Variants in NFAT5 observed in about 807,000 individuals in gnomAD.
NFAT5 encodes the protein nuclear factor of activated T cells 5.
A neutral mutation model predicts 166.5 loss-of-function variants in NFAT5; 31 were observed. That is an observed-to-expected ratio of 0.19 (90% CI 0.14 to 0.25). NFAT5 has a LOEUF of 0.25. Among genes scored for constraint, NFAT5 ranks in the 10% least tolerant of loss-of-function variants. The probability of loss-of-function intolerance (pLI) is 1.00; values close to 1 mark genes in which losing one functional copy is unlikely to be tolerated. For missense variants in NFAT5, 1,449 were observed against 1,821.8 expected (o/e 0.80, Z 3.72); for synonymous variants, 612 against 639.7 (o/e 0.96, Z 0.65).
At chr16:69,634,196 T>A (rs1359186412) in intron 3 of NFAT5, among the ~76,000 whole-genome samples, 1 of 144,146 alleles carries the variant, frequency 6.9e-6, no homozygotes, top group Admixed American at 7.4e-5. Flanking sequence ...GGAGAATCAC[T>A]CGAACCTGGG....
intron 11 of NFAT5, chr16:69,685,270 G>A (rs1482207549): frequency 6.7e-6 from 1 of 149,962 alleles, no homozygotes; most frequent in African/African-American, 2.5e-5. Context: ...TATGAGGCTG[G>A]GCACAGTGGT....
chr16:69,616,851 T>C (rs1432222575), intron 2 of NFAT5, among the ~76,000 whole-genome samples: 1 of 151,814 alleles, frequency 6.6e-6, no homozygotes, highest in Non-Finnish European at 1.5e-5. Flanking sequence ...CCCTATTCTC[T>C]ATAGGTATCC....
chr16:69,595,478 G>A (rs931038053), intron 2 of NFAT5, among the ~76,000 whole-genome samples: 9 of 151,982 alleles, frequency 5.9e-5, no homozygotes, highest in South Asian at 2.1e-4. Flanking sequence ...TGAAAGATTC[G>A]GTAAACCATG....
intron 10 of NFAT5, among the ~76,000 whole-genome samples, chr16:69,680,763 T>C (rs1038270274): frequency 6.6e-6 from 1 of 152,144 alleles, no homozygotes; most frequent in African/African-American, 2.4e-5. Flanking sequence ...TGTTTTTATT[T>C]TGTTTTGTTT....
At chr16:69,658,303 C>T (rs954176880) in intron 6 of NFAT5, among the ~76,000 whole-genome samples, 11 of 151,128 alleles carry the variant, frequency 7.3e-5, no homozygotes, top group African/African-American at 2.4e-4. Flanking sequence ...GCCAACATGG[C>T]GAAACCCCAT....
intron 2 of NFAT5, among the ~76,000 whole-genome samples, chr16:69,594,980 A>C (rs2032706529): frequency 6.6e-6 from 1 of 152,112 alleles, no homozygotes; most frequent in African/African-American, 2.4e-5. Flanking sequence ...TAGTCTTTTC[A>C]CGTTCTTCTG....
intron 3 of NFAT5, among the ~76,000 whole-genome samples, chr16:69,637,484 G>A (rs888490828): frequency 3.9e-5 from 6 of 152,046 alleles, no homozygotes; most frequent in Admixed American, 6.5e-5. Flanking sequence ...TGTTCATTTG[G>A]ACTTACAGTT....
At chr16:69,616,940 CTTTTTT>C (rs61025944) in intron 2 of NFAT5, among the ~76,000 whole-genome samples, 1 of 129,942 alleles carries the variant, frequency 7.7e-6, no homozygotes, top group Non-Finnish European at 1.7e-5. Flanking sequence ...GTCCAAAGTT[CTTTTTT>C]TTTTTTTTTT....
chr16:69,661,141 G>A (rs1418194229), intron 7 of NFAT5, among the ~76,000 whole-genome samples: 12 of 147,354 alleles, frequency 8.1e-5, no homozygotes, highest in African/African-American at 2.8e-4. Context: ...CACTTTGAGA[G>A]GCCAAGGCAG....
At chr16:69,681,934 AG>A (rs1336040935) in intron 10 of NFAT5, among the ~76,000 whole-genome samples, 1 of 149,508 alleles carries the variant, frequency 6.7e-6, no homozygotes, top group Non-Finnish European at 1.5e-5. Flanking sequence ...AAAAAAAAAA[AG>A]AAAGAAAAGA....
chr16:69,633,165 T>C (rs950249711), intron 3 of NFAT5, among the ~76,000 whole-genome samples: 1 of 152,218 alleles, frequency 6.6e-6, no homozygotes, highest in African/African-American at 2.4e-5. Context: ...TTAATATTTC[T>C]CTTTTTATTG....
chr16:69,630,988 G>A (rs912169516), intron 3 of NFAT5, among the ~76,000 whole-genome samples: 1 of 152,146 alleles, frequency 6.6e-6, no homozygotes. Flanking sequence ...AAGAAATCAA[G>A]TTACTTTCTT....
chr16:69,629,198 T>G (rs1051453552), intron 3 of NFAT5, among the ~76,000 whole-genome samples: 1 of 152,220 alleles, frequency 6.6e-6, no homozygotes, highest in African/African-American at 2.4e-5. Flanking sequence ...GGGAACAGAC[T>G]TCTAGTTCTG....
chr16:69,631,187 C>T (rs1472184170), intron 3 of NFAT5, among the ~76,000 whole-genome samples: 1 of 152,162 alleles, frequency 6.6e-6, no homozygotes, highest in African/African-American at 2.4e-5. Context: ...AATCCCAGCA[C>T]TTTGGGAGGC....
At chr16:69,597,037 A>G (rs958951689) in intron 2 of NFAT5, among the ~76,000 whole-genome samples, 1 of 152,184 alleles carries the variant, frequency 6.6e-6, no homozygotes, top group African/African-American at 2.4e-5. Context: ...GAAGTCATAA[A>G]AATTAGTCAT....
chr16:69,688,578 G>C (rs574440076), intron 11 of NFAT5, among the ~76,000 whole-genome samples: 1 of 151,942 alleles, frequency 6.6e-6, no homozygotes, highest in South Asian at 2.1e-4. Flanking sequence ...CACCATGTTG[G>C]TCAGGCTGGC....
chr16:69,655,171 C>A (rs987331029), intron 5 of NFAT5, among the ~76,000 whole-genome samples: 94 of 152,136 alleles, frequency 6.2e-4, no homozygotes, highest in Non-Finnish European at 1.8e-4. Context: ...TGCACTCATA[C>A]TTTTCTATTC....
At chr16:69,660,035 C>A in intron 7 of NFAT5, 136 bp downstream of exon 7, 1 of 742,834 alleles carries the variant, frequency 1.3e-6, no homozygotes, top group Non-Finnish European at 2.1e-6. Context: ...ATTTTAAAAG[C>A]AGTAGTCAGA....
In NFAT5 at chr16:69,626,505, C is replaced by T. The variant is rs752732398; in HGVS notation, c.230C>T (p.Pro77Leu). ...SQTSGGEAGS[P>L]PPAVVAADAS... ...ACAAGCGGTGGTGAGGCAGGCTCGC[C>T]TCCTCCAGCTGTTGTTGCTGCTGGT... The change falls in exon 3 of 15, where the codon CCT (proline) becomes CTT (leucine). Residue 77 changes from proline (P) to leucine (L), a missense_variant. Pro to Leu is a moderately conservative substitution (Grantham distance 98). Transcript: ENST00000349945. 1.3e-6 allele frequency: 2 copies of T among 1,570,560 alleles called. No individual in the cohort carries two copies. The highest frequency in any genetic ancestry group is 1.2e-5 in the South Asian group (1 of 83,284).
Sources: gnomAD v4.1 joint callset for allele counts (sites outside exome capture counted in the v4.1 genomes callset) on GRCh38, gnomAD v4.1.1 for gene constraint, MANE v1.5 for transcripts, NCBI Gene and HGNC (gene_info 2026-07-23, HGNC 2026-07-21) for gene names.